The following GLIS1 variants were observed in gnomAD, a reference collection of about 807,000 sequenced individuals.
The protein encoded by GLIS1 is zinc finger protein GLIS1.
Under a neutral mutation model 63.8 loss-of-function variants are expected in GLIS1, and 24 were observed. The observed-to-expected ratio is 0.38, with a 90% CI of 0.27 to 0.53. The LOEUF (loss-of-function observed/expected upper bound fraction) is 0.53. Among genes scored for constraint, GLIS1 ranks in the 20% least tolerant of loss-of-function variants. The pLI is 0.85. For synonymous variants in GLIS1, 450 were observed against 482.5 expected, an observed-to-expected ratio of 0.93 and a Z score of 0.88; for missense variants, 1,036 against 1,074.1, an observed-to-expected ratio of 0.96 and a Z score of 0.50.
At chr1:53,678,328 A>AGGGGGGGGGGTGGGGGGGAGGGGGGGGG (rs1646237372) in intron 2 of GLIS1, among the ~76,000 whole-genome samples, 1 of 70,436 alleles carries the variant, frequency 1.4e-5, no homozygotes, top group African/African-American at 5.9e-5. Flanking sequence ...CAGGAGGGTG[A>AGGGGGGGGGGTGGGGGGGAGGGGGGGGG]GGGGGGGGGG....
chr1:53,594,391 G>A lies in GLIS1; in HGVS notation c.1037C>T (p.Ser346Phe), dbSNP rs760018104. ...AAGGCTTGGGCCAGGCGGCAACTGAGACAGGGGATAGGGGGGCGGCAGGCC... is the reference window on the plus strand; with the variant it reads ...AAGGCTTGGGCCAGGCGGCAACTGAAACAGGGGATAGGGGGGCGGCAGGCC... ...QQGLPPPYPL[S>F]QLPPGPSLGG... Residue 346 changes from serine to phenylalanine, a missense_variant, in exon 4 of 11, where the codon TCT (serine) becomes TTT (phenylalanine). Transcript: ENST00000628545. 2 of 1,611,854 alleles carry A rather than the reference G, an allele frequency of 1.2e-6. No homozygotes were observed. Among genetic ancestry groups the A allele is most frequent in the Admixed American group, 3.3e-5 (2 of 59,904 alleles).
At chr1:53,585,368 C>T (rs187000948) in intron 4 of GLIS1, among the ~76,000 whole-genome samples, 19 of 152,162 alleles carry the variant, frequency 1.2e-4, no homozygotes, top group East Asian at 5.8e-4. Context: ...AGAGATGCCA[C>T]GTGACTTGTC....
rs768526365 is a variant in GLIS1 at position 53,514,833 on chromosome 1, G to T, written c.1727-52C>A. The T allele has an allele frequency of 1.5e-5, 22 of 1,503,600 alleles. No homozygotes were observed. In the Admixed American group the frequency reaches 4.9e-4, roughly 33 times the overall value. The allele number at this position is 1,503,600 out of a possible 1,614,324, so 93.1% of individuals were successfully genotyped here. Reference sequence around the variant, plus strand: ...GGACTCTGGCCACTCCCTAGAGATGGTTGTGATGGCCCAGGAGCTGTGTGT... The same window carrying T: ...GGACTCTGGCCACTCCCTAGAGATGTTTGTGATGGCCCAGGAGCTGTGTGT... On this transcript the variant is annotated intron_variant, in intron 7 of 10. Coordinates refer to ENST00000628545, the MANE Select transcript of GLIS1 (RefSeq NM_001367484.1).
At chr1:53,680,378 C>T (rs916526448) in intron 2 of GLIS1, among the ~76,000 whole-genome samples, 2 of 152,206 alleles carry the variant, frequency 1.3e-5, no homozygotes, top group Admixed American at 6.5e-5. Flanking sequence ...ATCTATGCCA[C>T]GAGTGTGGTG....
chr1:53,631,790 T>G (rs1645654692), intron 2 of GLIS1, among the ~76,000 whole-genome samples: 2 of 151,528 alleles, frequency 1.3e-5, no homozygotes, highest in South Asian at 4.2e-4. Context: ...CATATGAGTG[T>G]CTGGGTCTCG....
rs1221426769 is a variant in GLIS1 at position 53,609,266 on chromosome 1, C to CTTTTTTTTTTTTT, written c.260-9001_260-8989dup. 9.8e-5 allele frequency among the ~76,000 whole-genome samples: 8 copies of CTTTTTTTTTTTTT among 81,378 alleles called. 1 individual carries two copies. Among genetic ancestry groups the CTTTTTTTTTTTTT allele is most frequent in the Admixed American group, 4.0e-4 (2 of 4,992 alleles). 53.4% of individuals were successfully genotyped at this position (81,378 alleles called of 152,430 possible). A position where few individuals can be genotyped will look rare whatever the true frequency, so the allele number is the denominator to read the frequency against. On this transcript the variant is annotated intron_variant, in intron 2 of 10. Coordinates refer to ENST00000628545, the MANE Select transcript of GLIS1 (RefSeq NM_001367484.1). ...TATATTTGGGTATTTGGGTTTAAAT[C>CTTTTTTTTTTTTT]TTTTTTTTTTTTTTTTTTTTTTTTT... is the stretch of plus-strand genomic sequence containing the variant.
At chr1:53,509,816 G>A (rs1644279855) in intron 9 of GLIS1, 33 bp downstream of exon 9, 1 of 1,254,246 alleles carries the variant, frequency 8.0e-7, no homozygotes, top group Non-Finnish European at 1.0e-6. Flanking sequence ...GAATTGGGGG[G>A]TTATACGGAG....
At chr1:53,571,481 TCAA>T (rs1260214710) in intron 4 of GLIS1, among the ~76,000 whole-genome samples, 2 of 152,186 alleles carry the variant, frequency 1.3e-5, no homozygotes, top group Non-Finnish European at 2.9e-5. Flanking sequence ...CAAATGTCCA[TCAA>T]CAAGAGAATG....
intron 2 of GLIS1, among the ~76,000 whole-genome samples, chr1:53,643,707 G>A (rs1424817420): frequency 6.6e-6 from 1 of 152,158 alleles, no homozygotes; most frequent in Non-Finnish European, 1.5e-5. Context: ...GGGAGGGTGA[G>A]GCCTCCTCCT....
intron 6 of GLIS1, among the ~76,000 whole-genome samples, chr1:53,521,964 A>G (rs1259891449): frequency 1.3e-5 from 2 of 152,230 alleles, no homozygotes; most frequent in Non-Finnish European, 2.9e-5. Flanking sequence ...GCCCCACATC[A>G]CACAGCAGCT....
Position 53,709,415 on chromosome 1 carries a change from C to CATATATATACATATACATATATAT in GLIS1, c.259+28390_259+28391insATATATATGTATATGTATATATAT, listed in dbSNP as rs777561220. On this transcript the variant is annotated intron_variant, in intron 2 of 10. Coordinates refer to ENST00000628545, the MANE Select transcript of GLIS1 (RefSeq NM_001367484.1). ...ATATACATATACATATATATATACA[C>CATATATATACATATACATATATAT]ACACACACACACACACACACACACA... is the stretch of plus-strand genomic sequence containing the variant. Among the ~76,000 whole-genome samples, 4 of 123,624 alleles carry CATATATATACATATACATATATAT rather than the reference C, an allele frequency of 3.2e-5. 1 individual carries two copies. The highest frequency in any genetic ancestry group is 1.4e-4 in the African/African-American group (4 of 27,858). The allele number at this position is 123,624 out of a possible 152,430, so 81.1% of individuals were successfully genotyped here.
intron 2 of GLIS1, among the ~76,000 whole-genome samples, chr1:53,644,861 T>C (rs1354813069): frequency 1.3e-5 from 2 of 152,180 alleles, no homozygotes; most frequent in African/African-American, 4.8e-5. Flanking sequence ...AGCGACAGAT[T>C]CCACTGGTAT....
At chr1:53,516,198 C>A (rs920963489) in intron 7 of GLIS1, among the ~76,000 whole-genome samples, 2 of 152,106 alleles carry the variant, frequency 1.3e-5, no homozygotes, top group African/African-American at 4.8e-5. Flanking sequence ...CTCTGGTTAC[C>A]ATGGATCCAG....
At chr1:53,702,088 G>C (rs1646529956) in intron 2 of GLIS1, among the ~76,000 whole-genome samples, 1 of 151,422 alleles carries the variant, frequency 6.6e-6, no homozygotes. Context: ...GTTCATGGAA[G>C]GCAGGCAGGC....
intron 2 of GLIS1, among the ~76,000 whole-genome samples, chr1:53,634,159 CG>C (rs1645699783): frequency 6.6e-6 from 1 of 152,088 alleles, no homozygotes; most frequent in Non-Finnish European, 1.5e-5. Flanking sequence ...CATCAGGAGC[CG>C]GATGCTGGTC....
intron 2 of GLIS1, among the ~76,000 whole-genome samples, chr1:53,700,489 T>C (rs1646511978): frequency 6.6e-6 from 1 of 151,588 alleles, no homozygotes; most frequent in African/African-American, 2.4e-5. Context: ...AACAAATGCA[T>C]GGCCTCTGCT....
At chr1:53,664,623 C>A (rs1646067915) in intron 2 of GLIS1, among the ~76,000 whole-genome samples, 1 of 152,226 alleles carries the variant, frequency 6.6e-6, no homozygotes. Flanking sequence ...CAAACAGAAA[C>A]CCCTGCCCTC....
intron 4 of GLIS1, among the ~76,000 whole-genome samples, chr1:53,532,318 C>G (rs756171682): frequency 6.6e-6 from 1 of 152,122 alleles, no homozygotes; most frequent in Non-Finnish European, 1.5e-5. Flanking sequence ...GAGCACAGGC[C>G]AGGGCAGAGC....
intron 2 of GLIS1, among the ~76,000 whole-genome samples, chr1:53,632,653 G>A (rs1055346779): frequency 6.7e-6 from 1 of 150,056 alleles, no homozygotes; most frequent in African/African-American, 2.5e-5. Flanking sequence ...TGAGGGGCAT[G>A]TGAATGAGAC....
Sources: allele counts gnomAD v4.1 joint callset (sites outside exome capture counted in the v4.1 genomes callset), GRCh38; gene constraint gnomAD v4.1.1; transcripts MANE v1.5; gene names NCBI Gene and HGNC (gene_info 2026-07-23, HGNC 2026-07-21).